The following HSD17B6 variants were observed in gnomAD, a reference collection of about 807,000 sequenced individuals.
The protein encoded by HSD17B6 is 17-beta-hydroxysteroid dehydrogenase type 6.
In HSD17B6, 16 loss-of-function variants were observed where a neutral mutation model predicts 26.4. The observed-to-expected ratio is 0.61, with a 90% CI of 0.41 to 0.92. HSD17B6 has a LOEUF of 0.92. HSD17B6 is among the 40% of genes least tolerant of loss of function. HSD17B6 has a pLI of 0.00. For synonymous variants in HSD17B6, 139 were observed against 153.0 expected (o/e 0.91, Z 0.68); for missense variants, 357 against 386.1 (o/e 0.92, Z 0.63).
chr12:56,764,068 C>CAAAAAAAAAAAAAAAAAAAAAA (rs71081400), intron 1 of HSD17B6, among the ~76,000 whole-genome samples: 3 of 74,342 alleles, frequency 4.0e-5, no homozygotes, highest in African/African-American at 1.2e-4. Flanking sequence ...GACCGTGTCT[C>CAAAAAAAAAAAAAAAAAAAAAA]AAAAAAAAAA....
In HSD17B6 at chr12:56,787,567, A is replaced by T. The variant is rs74091700; in HGVS notation, c.*225A>T. 1.9e-6 allele frequency: 1 copy of T among 526,818 alleles called. No homozygotes were observed. Among genetic ancestry groups the T allele is most frequent in the Admixed American group, 3.6e-5 (1 of 28,084 alleles). 32.6% of individuals were successfully genotyped at this position (526,818 alleles called of 1,614,324 possible). On this transcript the variant is annotated 3_prime_UTR_variant, in exon 5 of 5. Transcript: ENST00000322165. ...ATTTTAGCCCTTTTTTGATGAGACT[A>T]TTTGTCTAAAGTGAATCATTTGTTC...
At chr12:56,765,911 A>G (rs1282864094) in intron 1 of HSD17B6, among the ~76,000 whole-genome samples, 1 of 152,158 alleles carries the variant, frequency 6.6e-6, no homozygotes, top group Non-Finnish European at 1.5e-5. Flanking sequence ...TCTGAGCCCA[A>G]GCTAAGCCAT....
At chr12:56,783,591 C>T (rs1954787846) in intron 3 of HSD17B6, among the ~76,000 whole-genome samples, 1 of 137,954 alleles carries the variant, frequency 7.2e-6, no homozygotes, top group Non-Finnish European at 1.6e-5. Context: ...CGGGCGGGGG[C>T]TGACCCCCCC....
At position 56,785,020 on chromosome 12, in the gene HSD17B6, A is replaced by C; in HGVS notation, c.736+4A>C. ...GGACAGCAGTATTTTGATGCCCGTAAGCTTTTTTCTTTTGATAGGGATAAT... is the reference window on the plus strand; with the variant it reads ...GGACAGCAGTATTTTGATGCCCGTACGCTTTTTTCTTTTGATAGGGATAAT... On this transcript the variant is annotated splice_donor_region_variant and intron_variant, in intron 4 of 4. Transcript: ENST00000322165. The C allele has an allele frequency of 6.2e-7, 1 of 1,606,876 alleles. No individual in the cohort carries two copies. The highest frequency in any genetic ancestry group is 1.7e-4 in the Middle Eastern group (1 of 6,020).
Position 56,784,998 on chromosome 12 carries a change from C to T in HSD17B6, c.718C>T (p.Gln240Ter). 6.2e-7 allele frequency: 1 copy of T among 1,612,676 alleles called. No individual in the cohort carries two copies. The highest frequency in any genetic ancestry group is 8.5e-7 in the Non-Finnish European group (1 of 1,179,722). The change falls in exon 4 of 5, where the codon CAG becomes TAG. Residue 240 changes from glutamine (Q) to a stop codon, truncating the protein, a stop_gained. Coordinates refer to ENST00000322165, the MANE Select transcript of HSD17B6 (RefSeq NM_003725.4). LOFTEE classifies it low-confidence loss of function (END_TRUNC). ...APKHIKETYG[Q>*]QYFDALYNIM... ...CAAGCATATTAAGGAGACCTATGGA[C>T]AGCAGTATTTTGATGCCCGTAAGCT...
chr12:56,776,365 A>G (rs1954594179), intron 2 of HSD17B6, among the ~76,000 whole-genome samples: 1 of 127,838 alleles, frequency 7.8e-6, no homozygotes, highest in African/African-American at 3.2e-5. Flanking sequence ...AGTGCAGTGG[A>G]ATGATCATGG....
chr12:56,771,435 G>A (rs921052610), intron 1 of HSD17B6, among the ~76,000 whole-genome samples: 7 of 149,974 alleles, frequency 4.7e-5, no homozygotes, highest in East Asian at 2.0e-4. Context: ...GCAAGTGCTC[G>A]GCAAGGGTTG....
At chr12:56,785,132 T>C in intron 4 of HSD17B6, 116 bp downstream of exon 4, 1 of 1,129,550 alleles carries the variant, frequency 8.9e-7, no homozygotes, top group Non-Finnish European at 1.2e-6. Context: ...TTTAATTGAC[T>C]CACAGTTCTG....
In HSD17B6 at chr12:56,787,240, C is replaced by T; in HGVS notation, c.852C>T (p.Gly284=). ...SVHPRTRYSA[G]WDAKFFFIPL... ...ATCCGCGAACTCGATATTCAGCTGG[C>T]TGGGATGCTAAATTTTTCTTCATCC... is the stretch of plus-strand genomic sequence containing the variant. Residue 284 remains glycine (G), a synonymous_variant, in exon 5 of 5, where the codon GGC becomes GGT. Coordinates refer to ENST00000322165, the MANE Select transcript of HSD17B6 (RefSeq NM_003725.4). 1 of 1,614,052 alleles carries T rather than the reference C, an allele frequency of 6.2e-7. No individual in the cohort carries two copies. Among genetic ancestry groups the T allele is most frequent in the Non-Finnish European group, 8.5e-7 (1 of 1,179,890 alleles).
In HSD17B6 at chr12:56,773,922, G is replaced by C; in HGVS notation, c.70G>C (p.Val24Leu). The C allele has an allele frequency of 6.2e-7, 1 of 1,613,754 alleles. No individual in the cohort carries two copies. The highest frequency in any genetic ancestry group is 2.2e-5 in the East Asian group (1 of 44,888). ...GCACTGGTACCGGGAGAGGCAGGTGGTGAGCCACCTCCAAGACAAGTATGT... is the reference window on the plus strand; with the variant it reads ...GCACTGGTACCGGGAGAGGCAGGTGCTGAGCCACCTCCAAGACAAGTATGT... ...LLHWYRERQVVSHLQDKYVFI... is the reference protein window; with the variant it reads ...LLHWYRERQVLSHLQDKYVFI... The change falls in exon 2 of 5, where the codon GTG becomes CTG. Residue 24 changes from valine (V) to leucine (L), a missense_variant. Val to Leu is a conservative substitution (Grantham distance 32). Transcript: ENST00000322165.
At chr12:56,783,040 TC>T (rs1954760340) in intron 3 of HSD17B6, among the ~76,000 whole-genome samples, 2 of 152,096 alleles carry the variant, frequency 1.3e-5, no homozygotes, top group African/African-American at 4.8e-5. Context: ...CATGTCTACT[TC>T]TTTCTACACA....
intron 3 of HSD17B6, among the ~76,000 whole-genome samples, chr12:56,783,580 C>T (rs1416178119): frequency 7.0e-6 from 1 of 142,404 alleles, no homozygotes; most frequent in Non-Finnish European, 1.5e-5. Flanking sequence ...GGACGGCTGG[C>T]CGGGCGGGGG....
Position 56,772,837 on chromosome 12 carries a change from A to G in HSD17B6, c.-19-997A>G, listed in dbSNP as rs147020879. ...GGACTGAAAGTTGTTTGTTTTGGCT[A>G]AAGAGTAGGATGCAAGAGAGAAGCC... On this transcript the variant is annotated intron_variant, in intron 1 of 4. Coordinates refer to ENST00000322165, the MANE Select transcript of HSD17B6 (RefSeq NM_003725.4). 9.0e-4 allele frequency among the ~76,000 whole-genome samples: 137 copies of G among 152,232 alleles called. 2 individuals are homozygous for G. The East Asian group carries it at 0.023, about 25-fold the overall frequency.
intron 2 of HSD17B6, among the ~76,000 whole-genome samples, chr12:56,777,689 T>C (rs932041815): frequency 6.6e-6 from 1 of 151,968 alleles, no homozygotes; most frequent in Non-Finnish European, 1.5e-5. Flanking sequence ...TAAAAAACAA[T>C]TTACTTTAAA....
At chr12:56,776,151 C>T (rs1727761198) in intron 2 of HSD17B6, among the ~76,000 whole-genome samples, 1 of 152,154 alleles carries the variant, frequency 6.6e-6, no homozygotes, top group African/African-American at 2.4e-5. Context: ...GCCTCGAACT[C>T]CTGACCTCAG....
At chr12:56,783,411 G>A (rs1565923085) in intron 3 of HSD17B6, among the ~76,000 whole-genome samples, 1 of 140,178 alleles carries the variant, frequency 7.1e-6, no homozygotes, top group Non-Finnish European at 1.6e-5. Context: ...GCCGGGCAGA[G>A]GGGCTCCTCA....
At chr12:56,781,916 C>G in intron 2 of HSD17B6, 58 bp from the exon 3 acceptor site, 1 of 1,568,786 alleles carries the variant, frequency 6.4e-7, no homozygotes, top group Non-Finnish European at 8.7e-7. Flanking sequence ...CACCAAAGTT[C>G]AAAATAGAGT....
Position 56,784,896 on chromosome 12 carries a change from C to G in HSD17B6, c.616C>G (p.Pro206Ala). The G allele has an allele frequency of 6.2e-7, 1 of 1,613,988 alleles. No homozygotes were observed. Among genetic ancestry groups the G allele is most frequent in the Non-Finnish European group, 8.5e-7 (1 of 1,180,004 alleles). Residue 206 changes from proline (P) to alanine (A), a missense_variant, in exon 4 of 5, where the codon CCT (proline) becomes GCT (alanine). By Grantham distance (27) the Pro-to-Ala change is conservative. Coordinates refer to ENST00000322165, the MANE Select transcript of HSD17B6 (RefSeq NM_003725.4). ...HFGVKISIVEPGYFRTGMTNM... is the reference protein window; with the variant it reads ...HFGVKISIVEAGYFRTGMTNM... ...TGGGGTGAAAATCAGCATAGTTGAA[C>G]CTGGCTACTTCAGAACGGGAATGAC...
In HSD17B6 at chr12:56,785,168, T is replaced by A. The variant is rs553709580; in HGVS notation, c.736+152T>A. The A allele has an allele frequency of 2.3e-4, 179 of 789,826 alleles. 1 individual carries two copies. In the East Asian group the frequency reaches 5.0e-3, roughly 22 times the overall value. 48.9% of individuals were successfully genotyped at this position (789,826 alleles called of 1,614,324 possible). ...CATGGCTGGGGAGTCCTCAGGAAAC[T>A]TATAATCATGGCAGAAGGCACCTCT... On this transcript the variant is annotated intron_variant, in intron 4 of 4. Transcript: ENST00000322165.
Sources: gnomAD v4.1 joint callset for allele counts (sites outside exome capture counted in the v4.1 genomes callset) on GRCh38, gnomAD v4.1.1 for gene constraint, MANE v1.5 for transcripts, NCBI Gene and HGNC (gene_info 2026-07-23, HGNC 2026-07-21) for gene names.